LOC128125822: variants seen among roughly 807,000 people sequenced by gnomAD.
At chr6:63,578,581 A>T in the LOC128125822 span, 1 of 1,566,582 alleles carries the variant, frequency 6.4e-7, no homozygotes, top group Non-Finnish European at 8.6e-7. Flanking sequence ...ACAAAAGTTT[A>T]TTCAAATAGT....
chr6:63,572,839 G>C, the LOC128125822 span: 81 of 394,888 alleles, frequency 2.1e-4, no homozygotes, highest in East Asian at 6.1e-4. Context: ...TTGCGGTTCC[G>C]GTGGGTCCCG....
At chr6:63,573,129 G>A in the LOC128125822 span, 35 of 160,862 alleles carry the variant, frequency 2.2e-4, 2 homozygotes, top group South Asian at 7.1e-3. Context: ...GACCCGTCCG[G>A]GCATGGCAGG....
chr6:63,576,802 C>A, the LOC128125822 span: 3 of 1,145,892 alleles, frequency 2.6e-6, no homozygotes, highest in Non-Finnish European at 3.8e-6. Context: ...AAGTAGACTT[C>A]AGTTTCTTTG....
chr6:63,580,317 G>C, the LOC128125822 span: 3 of 677,546 alleles, frequency 4.4e-6, no homozygotes, highest in African/African-American at 5.4e-5. Flanking sequence ...CCTCAAGCTA[G>C]ACAGATTTGG....
chr6:63,577,039 C>T, the LOC128125822 span: 2 of 1,362,234 alleles, frequency 1.5e-6, no homozygotes, highest in Non-Finnish European at 2.1e-6. Flanking sequence ...AATAGTGGGA[C>T]TTATAGCTAA....
the LOC128125822 span, among the ~76,000 whole-genome samples, chr6:63,572,950 G>A: frequency 6.6e-6 from 1 of 152,086 alleles, no homozygotes; most frequent in Non-Finnish European, 1.5e-5. Flanking sequence ...GCGGTTGGCC[G>A]CCGGAGGCAC....
the LOC128125822 span, chr6:63,572,512 G>C: frequency 2.6e-6 from 1 of 391,278 alleles, no homozygotes; most frequent in Admixed American, 4.5e-5. Flanking sequence ...CTTCGGCTGC[G>C]GGCCGGCTCG....
chr6:63,572,916 C>T, the LOC128125822 span, among the ~76,000 whole-genome samples: 2 of 152,002 alleles, frequency 1.3e-5, no homozygotes, highest in Non-Finnish European at 2.9e-5. Context: ...AGGCAGATGC[C>T]GGGCCCCTCG....
At chr6:63,577,069 G>A in the LOC128125822 span, 11 of 1,019,114 alleles carry the variant, frequency 1.1e-5, no homozygotes, top group African/African-American at 1.2e-4. Flanking sequence ...AACTACTTTG[G>A]AAAAAATGAG....
chr6:63,578,848 A>G, the LOC128125822 span: 1 of 1,402,398 alleles, frequency 7.1e-7, no homozygotes, highest in Non-Finnish European at 9.5e-7. Context: ...AATTATTACT[A>G]CAGTGTTTAT....
At chr6:63,577,340 T>C in the LOC128125822 span, among the ~76,000 whole-genome samples, 1 of 152,220 alleles carries the variant, frequency 6.6e-6, no homozygotes, top group African/African-American at 2.4e-5. Flanking sequence ...AGTTGGTTTT[T>C]CTTGAACCCC....
chr6:63,579,981 T>C, the LOC128125822 span: 12 of 1,057,178 alleles, frequency 1.1e-5, no homozygotes, highest in Non-Finnish European at 1.7e-5. Flanking sequence ...AGAGAGGTGA[T>C]GGTTGTCTAT....
At chr6:63,577,615 G>A in the LOC128125822 span, among the ~76,000 whole-genome samples, 10 of 152,086 alleles carry the variant, frequency 6.6e-5, no homozygotes, top group Non-Finnish European at 1.5e-4. Flanking sequence ...GGAGTGCAGT[G>A]GCATGATCTC....
the LOC128125822 span, chr6:63,580,409 T>A: frequency 6.8e-6 from 3 of 442,566 alleles, no homozygotes; most frequent in African/African-American, 3.9e-5. Context: ...AATGTGCTTG[T>A]CATTTGTATC....
the LOC128125822 span, chr6:63,576,829 A>G: frequency 1.4e-6 from 2 of 1,447,304 alleles, no homozygotes; most frequent in African/African-American, 2.9e-5. Context: ...TTCTGTATTC[A>G]ATTTTTTTAA....
the LOC128125822 span, among the ~76,000 whole-genome samples, chr6:63,576,257 C>T: frequency 1.3e-5 from 2 of 151,644 alleles, no homozygotes; most frequent in Non-Finnish European, 2.9e-5. Flanking sequence ...TTGTTTTATG[C>T]TGATTGATTT....
chr6:63,573,904 G>C, the LOC128125822 span, among the ~76,000 whole-genome samples: 2 of 152,146 alleles, frequency 1.3e-5, no homozygotes, highest in African/African-American at 2.4e-5. Context: ...GGACTGTTTA[G>C]AACTATCCCT....
At chr6:63,582,008 C>CTT in the LOC128125822 span, 1 of 152,034 alleles carries the variant, frequency 6.6e-6, no homozygotes, top group East Asian at 1.9e-4. Context: ...AGTGATACTC[C>CTT]ACCTTGTGTT....
chr6:63,578,126 A>G, the LOC128125822 span, among the ~76,000 whole-genome samples: 1 of 152,126 alleles, frequency 6.6e-6, no homozygotes, highest in South Asian at 2.1e-4. Context: ...TTTCATCCCA[A>G]TCCGGTATTA....
Sources: allele counts gnomAD v4.1 joint callset (sites outside exome capture counted in the v4.1 genomes callset), GRCh38; gene constraint gnomAD v4.1.1; transcripts MANE v1.5.